The following SSBP2 variants were observed in gnomAD, a reference collection of about 807,000 sequenced individuals.
SSBP2 encodes single-stranded DNA-binding protein 2.
In SSBP2, 17 loss-of-function variants were observed where a neutral mutation model predicts 61.8. The observed-to-expected ratio is 0.28, with a 90% confidence interval of 0.19 to 0.41. The LOEUF is 0.41. Among genes scored for constraint, SSBP2 ranks in the 10% least tolerant of loss-of-function variants. SSBP2 has a pLI of 1.00. For synonymous variants in SSBP2, 139 were observed against 141.3 expected, an observed-to-expected ratio of 0.98 and a Z score of 0.12; for missense variants, 310 against 458.7, an observed-to-expected ratio of 0.68 and a Z score of 2.96.
chr5:81,668,731 T>A (rs918666885), intron 1 of SSBP2, among the ~76,000 whole-genome samples: 11 of 152,078 alleles, frequency 7.2e-5, no homozygotes, highest in East Asian at 1.9e-4. Context: ...TACAAAAAAA[T>A]TTTGGAATAT....
intron 1 of SSBP2, among the ~76,000 whole-genome samples, chr5:81,669,253 C>A (rs1751396921): frequency 6.6e-6 from 1 of 152,156 alleles, no homozygotes; most frequent in Non-Finnish European, 1.5e-5. Flanking sequence ...AATGGTCCAG[C>A]CACTTTGGAA....
chr5:81,587,395 AAAG>A (rs1172481053), intron 4 of SSBP2, among the ~76,000 whole-genome samples: 5 of 152,206 alleles, frequency 3.3e-5, no homozygotes, highest in Non-Finnish European at 5.9e-5. Flanking sequence ...CAAATTTAGA[AAAG>A]AAGTTAAATA....
At position 81,433,592 on chromosome 5, in the gene SSBP2, T is replaced by TAAAA. The variant is rs532034844; in HGVS notation, c.957+3834_957+3837dup. Among the ~76,000 whole-genome samples the TAAAA allele has an allele frequency of 5.9e-4, 61 of 103,914 alleles. 1 individual carries two copies. The highest frequency in any genetic ancestry group is 1.8e-3 in the African/African-American group (54 of 30,122). 68.2% of individuals were successfully genotyped at this position (103,914 alleles called of 152,430 possible). On this transcript the variant is annotated intron_variant, in intron 15 of 16. Transcript: ENST00000320672. ...GCGAGAAACACCCAAGAATGATCAA[T>TAAAA]AAAAAAAAAAAAAAAAAGAAAGAAA...
intron 4 of SSBP2, among the ~76,000 whole-genome samples, chr5:81,573,173 A>G (rs1300583728): frequency 6.6e-6 from 1 of 152,226 alleles, no homozygotes; most frequent in Non-Finnish European, 1.5e-5. Flanking sequence ...GAGGTGCCCC[A>G]TGAAAAAATA....
At chr5:81,633,302 G>A (rs1360273101) in intron 3 of SSBP2, among the ~76,000 whole-genome samples, 4 of 151,362 alleles carry the variant, frequency 2.6e-5, no homozygotes, top group East Asian at 3.9e-4. Flanking sequence ...TTTTAGTAGC[G>A]ACAGGGTTTC....
rs143571465 is a variant in SSBP2, at chr5:81,623,109, A to G, written c.198-7552T>C. On this transcript the variant is annotated intron_variant, in intron 3 of 16. Transcript: ENST00000320672. ...TCAAGTGTGTTATGCATTACAGTGT[A>G]TTGCAGTAATGTTCTTAAAGAACTT... Among the ~76,000 whole-genome samples, 955 of 152,300 alleles carry G rather than the reference A, an allele frequency of 6.3e-3. 11 individuals carry two copies. The highest frequency in any genetic ancestry group is 0.021 in the African/African-American group (893 of 41,568).
At chr5:81,450,952 C>T (rs1474448322) in intron 10 of SSBP2, among the ~76,000 whole-genome samples, 2 of 152,166 alleles carry the variant, frequency 1.3e-5, no homozygotes, top group Non-Finnish European at 2.9e-5. Flanking sequence ...CAACTTCTAC[C>T]TCATCTTAAC....
chr5:81,442,599 CAG>C, intron 13 of SSBP2, 52 bp downstream of exon 13: 1 of 957,580 alleles, frequency 1.0e-6, no homozygotes, highest in Non-Finnish European at 1.6e-6. Context: ...GGAATGCACT[CAG>C]AGTTTGAAAG....
At chr5:81,742,803 G>C (rs975569824) in intron 1 of SSBP2, among the ~76,000 whole-genome samples, 1 of 152,108 alleles carries the variant, frequency 6.6e-6, no homozygotes, top group African/African-American at 2.4e-5. Context: ...TTGAACCTGG[G>C]GGGTGTGTGG....
intron 1 of SSBP2, among the ~76,000 whole-genome samples, chr5:81,708,070 C>T (rs1362684428): frequency 6.6e-6 from 1 of 152,024 alleles, no homozygotes; most frequent in Non-Finnish European, 1.5e-5. Context: ...TCAATATTTC[C>T]TTATCTGTTA....
intron 4 of SSBP2, among the ~76,000 whole-genome samples, chr5:81,549,740 A>T (rs1462368772): frequency 6.6e-6 from 1 of 152,304 alleles, no homozygotes; most frequent in East Asian, 1.9e-4. Flanking sequence ...GAAATGATTG[A>T]TGGATAAAAA....
chr5:81,581,949 AT>A (rs1459033222), intron 4 of SSBP2, among the ~76,000 whole-genome samples: 1 of 152,226 alleles, frequency 6.6e-6, no homozygotes, highest in Non-Finnish European at 1.5e-5. Context: ...ATATTAAAAA[AT>A]ATAAAAATGT....
chr5:81,650,120 T>C, intron 2 of SSBP2, 147 bp downstream of exon 2: 1 of 504,070 alleles, frequency 2.0e-6, no homozygotes, highest in South Asian at 3.7e-5. Context: ...TGCTTATACA[T>C]AATCTATAAA....
intron 13 of SSBP2, 44 bp from the exon 14 acceptor site, chr5:81,440,680 A>C: frequency 7.2e-7 from 1 of 1,387,058 alleles, no homozygotes; most frequent in African/African-American, 1.5e-5. Context: ...TACTGAAAAC[A>C]ATGGCTTATC....
intron 1 of SSBP2, among the ~76,000 whole-genome samples, chr5:81,686,873 GAAAAGAAAAGA>G (rs1752842546): frequency 2.5e-4 from 4 of 15,718 alleles, no homozygotes; most frequent in Non-Finnish European, 4.2e-4. Flanking sequence ...AAAAAAAAAA[GAAAAGAAAAGA>G]AAAGAAAAGA....
chr5:81,427,844 T>G (rs1762047641), intron 16 of SSBP2, among the ~76,000 whole-genome samples: 3 of 152,224 alleles, frequency 2.0e-5, no homozygotes, highest in Admixed American at 1.3e-4. Context: ...AAATTCTGAT[T>G]CACTAAGTCT....
At chr5:81,563,376 C>G (rs1218009235) in intron 4 of SSBP2, among the ~76,000 whole-genome samples, 1 of 151,678 alleles carries the variant, frequency 6.6e-6, no homozygotes, top group Non-Finnish European at 1.5e-5. Context: ...GACCATAGAA[C>G]AAAATGTAAA....
intron 4 of SSBP2, among the ~76,000 whole-genome samples, chr5:81,584,276 G>A (rs1774901192): frequency 6.6e-6 from 1 of 152,000 alleles, no homozygotes; most frequent in Non-Finnish European, 1.5e-5. Context: ...AATAGTCCTA[G>A]TAATACGCAT....
intron 1 of SSBP2, among the ~76,000 whole-genome samples, chr5:81,744,790 C>T (rs1326228713): frequency 6.6e-6 from 1 of 151,944 alleles, no homozygotes; most frequent in African/African-American, 2.4e-5. Context: ...TACAATGGCT[C>T]ATTATTGTCT....
Sources: gnomAD v4.1 joint callset for allele counts (sites outside exome capture counted in the v4.1 genomes callset) on GRCh38, gnomAD v4.1.1 for gene constraint, MANE v1.5 for transcripts, NCBI Gene and HGNC (gene_info 2026-07-23, HGNC 2026-07-21) for gene names.